The following STX8 variants were observed in gnomAD, a reference collection of about 807,000 sequenced individuals.
The protein encoded by STX8 is syntaxin-8.
A neutral mutation model predicts 37.5 loss-of-function variants in STX8; 23 were observed. The ratio of observed to expected loss-of-function variants is 0.61; its 90% CI spans 0.44 to 0.87. The LOEUF (loss-of-function observed/expected upper bound fraction) is 0.87. Ranked by LOEUF, STX8 falls within the 40% of genes least tolerant of loss-of-function variation. STX8 has a pLI of 0.00. For missense variants in STX8, 313 were observed against 284.7 expected, an observed-to-expected ratio of 1.10 and a Z score of -0.71; for synonymous variants, 115 against 99.1, an observed-to-expected ratio of 1.16 and a Z score of -0.95.
intron 6 of STX8, among the ~76,000 whole-genome samples, chr17:9,486,980 C>T (rs1056935398): frequency 2.0e-5 from 3 of 152,124 alleles, no homozygotes; most frequent in African/African-American, 7.2e-5. Flanking sequence ...GGACGTCATC[C>T]ACTCAGTGTT....
At chr17:9,473,308 C>T (rs570581851) in intron 6 of STX8, among the ~76,000 whole-genome samples, 34 of 152,162 alleles carry the variant, frequency 2.2e-4, no homozygotes, top group Admixed American at 5.9e-4. Context: ...CATGAGCCAC[C>T]GTGCCCAGCC....
chr17:9,542,228 C>T (rs1490906498), intron 4 of STX8, among the ~76,000 whole-genome samples: 2 of 151,864 alleles, frequency 1.3e-5, no homozygotes, highest in Admixed American at 6.6e-5. Flanking sequence ...CGTGGTAGTG[C>T]GTGCCTGTGA....
chr17:9,406,021 T>C (rs1012608744), intron 6 of STX8, among the ~76,000 whole-genome samples: 1 of 152,214 alleles, frequency 6.6e-6, no homozygotes, highest in Non-Finnish European at 1.5e-5. Flanking sequence ...ATTTTCAATA[T>C]GAGATTAAAA....
At chr17:9,448,285 A>C (rs1904922929) in intron 6 of STX8, among the ~76,000 whole-genome samples, 1 of 152,192 alleles carries the variant, frequency 6.6e-6, no homozygotes. Flanking sequence ...AGGAACTTTC[A>C]GAGTCATTCG....
At chr17:9,464,746 G>T (rs543331795) in intron 6 of STX8, 1 of 146,218 alleles carries the variant, frequency 6.8e-6, no homozygotes, top group African/African-American at 2.5e-5. Context: ...TTTTTGTGAC[G>T]GAGTCTCACT....
intron 6 of STX8, among the ~76,000 whole-genome samples, chr17:9,454,596 C>T (rs534305926): frequency 2.6e-5 from 4 of 151,292 alleles, no homozygotes; most frequent in Non-Finnish European, 4.4e-5. Flanking sequence ...AGGAGAATGG[C>T]GCAAACCCGG....
chr17:9,481,272 G>A (rs1039977861), intron 6 of STX8, among the ~76,000 whole-genome samples: 7 of 152,120 alleles, frequency 4.6e-5, no homozygotes, highest in Admixed American at 1.3e-4. Context: ...TAGCTCTTCC[G>A]GGTTACAGCT....
intron 3 of STX8, among the ~76,000 whole-genome samples, chr17:9,552,582 C>T (rs1213758059): frequency 1.3e-5 from 2 of 152,038 alleles, no homozygotes; most frequent in Non-Finnish European, 2.9e-5. Flanking sequence ...TCTGTCTATG[C>T]ACTTATCTAT....
At chr17:9,431,454 TTTTTTTTG>T (rs1301802538) in intron 6 of STX8, among the ~76,000 whole-genome samples, 15 of 133,382 alleles carry the variant, frequency 1.1e-4, no homozygotes, top group African/African-American at 4.0e-4. Context: ...TGTTGTTTTG[TTTTTTTTG>T]TTTTTTTGTT....
intron 5 of STX8, among the ~76,000 whole-genome samples, chr17:9,494,001 TTGTTTTG>T (rs1906974106): frequency 1.6e-5 from 1 of 62,034 alleles, no homozygotes; most frequent in African/African-American, 3.5e-5. Flanking sequence ...TTGTTTTTTT[TTGTTTTG>T]TTTTTTTGTT....
chr17:9,256,253 C>T (rs1298106444), intron 7 of STX8, among the ~76,000 whole-genome samples: 1 of 151,902 alleles, frequency 6.6e-6, no homozygotes, highest in East Asian at 1.9e-4. Flanking sequence ...CACGCTCACC[C>T]TTGTCTACAC....
At chr17:9,304,930 T>A (rs993859254) in intron 7 of STX8, among the ~76,000 whole-genome samples, 17 of 89,886 alleles carry the variant, frequency 1.9e-4, no homozygotes, top group African/African-American at 1.0e-3. Context: ...AAAAAATATG[T>A]ATATATATAT....
intron 4 of STX8, among the ~76,000 whole-genome samples, chr17:9,515,490 CTT>C (rs1195423232): frequency 6.7e-6 from 1 of 149,994 alleles, no homozygotes; most frequent in African/African-American, 2.5e-5. Flanking sequence ...TCTTTGAAGT[CTT>C]TCTCTCTCTC....
Position 9,312,428 on chromosome 17 carries a change from C to T in STX8, c.644-61783G>A, listed in dbSNP as rs190266084. 2.7e-3 allele frequency among the ~76,000 whole-genome samples: 403 copies of T among 151,928 alleles called. 2 individuals carry two copies. The highest frequency in any genetic ancestry group is 9.5e-3 in the African/African-American group (392 of 41,450). ...GTTGGTCAGGCTGGTCTCAAACTCC[C>T]GACCTCAGGTGATCCACCTGCCTCG... On this transcript the variant is annotated intron_variant, in intron 7 of 7. Transcript: ENST00000306357.
chr17:9,417,064 C>G (rs1597658262), intron 6 of STX8, among the ~76,000 whole-genome samples: 1 of 152,166 alleles, frequency 6.6e-6, no homozygotes, highest in East Asian at 1.9e-4. Flanking sequence ...CTATGGGTTC[C>G]TCTCCAGCCA....
At chr17:9,258,196 G>C (rs1361084059) in intron 7 of STX8, among the ~76,000 whole-genome samples, 1 of 152,178 alleles carries the variant, frequency 6.6e-6, no homozygotes, top group Non-Finnish European at 1.5e-5. Flanking sequence ...ATTAACCAGT[G>C]ATCAGTCTCA....
chr17:9,523,021 TCA>T (rs1249182518), intron 4 of STX8, among the ~76,000 whole-genome samples: 1 of 151,846 alleles, frequency 6.6e-6, no homozygotes, highest in Non-Finnish European at 1.5e-5. Flanking sequence ...TATCAAAATA[TCA>T]CACTGTAAGC....
intron 4 of STX8, among the ~76,000 whole-genome samples, chr17:9,538,223 G>C (rs1021088332): frequency 6.6e-6 from 1 of 152,208 alleles, no homozygotes; most frequent in African/African-American, 2.4e-5. Flanking sequence ...AGAAAAGCTA[G>C]GACGTCACTG....
At chr17:9,377,298 T>C (rs564210187) in intron 7 of STX8, among the ~76,000 whole-genome samples, 2 of 151,138 alleles carry the variant, frequency 1.3e-5, no homozygotes, top group East Asian at 4.0e-4. Context: ...ATTGCTTTTG[T>C]AATTCTTTTT....
Sources: allele counts gnomAD v4.1 joint callset (sites outside exome capture counted in the v4.1 genomes callset), GRCh38; gene constraint gnomAD v4.1.1; transcripts MANE v1.5; gene names NCBI Gene and HGNC (gene_info 2026-07-23, HGNC 2026-07-21).